Variants in RGS12 observed in about 807,000 individuals in gnomAD.
The protein encoded by RGS12 is regulator of G-protein signaling 12.
Under a neutral mutation model 120.1 loss-of-function variants are expected in RGS12, and 66 were observed. The observed-to-expected ratio is 0.55, with a 90% confidence interval of 0.45 to 0.67. The LOEUF (loss-of-function observed/expected upper bound fraction) is 0.67. Ranked by LOEUF, RGS12 falls within the 30% of genes least tolerant of loss-of-function variation. RGS12 has a pLI of 0.00. For synonymous variants in RGS12, 827 were observed against 804.7 expected (o/e 1.03, Z -0.47); for missense variants, 1,859 against 1,957.7 (o/e 0.95, Z 0.95).
Position 3,332,040 on chromosome 4 carries a change from A to G in RGS12, c.1882-10897A>G, listed in dbSNP as rs143434732. Among the ~76,000 whole-genome samples the G allele has an allele frequency of 7.6e-3, 1,153 of 152,278 alleles. 20 individuals carry two copies. The highest frequency in any genetic ancestry group is 0.027 in the African/African-American group (1,109 of 41,560). On this transcript the variant is annotated intron_variant, in intron 2 of 17. Coordinates refer to ENST00000336727, the MANE Select transcript of RGS12 (RefSeq NM_001394154.1). Reference sequence around the variant, plus strand: ...TGGGAAGCAGTGGACAGAAGCCCCCACCGTCCTGGAATAGGGCAGGGGCTC... The same window carrying G: ...TGGGAAGCAGTGGACAGAAGCCCCCGCCGTCCTGGAATAGGGCAGGGGCTC...
In RGS12 at chr4:3,439,678, C is replaced by A; in HGVS notation, c.4338C>A (p.Phe1446Leu). Reference sequence around the variant, plus strand: ...AGACCAGCGCTCACCACGCCACCTTCGTCTGAGCTGCCCTGGCCTGGCCAA... The same window carrying A: ...AGACCAGCGCTCACCACGCCACCTTAGTCTGAGCTGCCCTGGCCTGGCCAA... ...KPKTSAHHAT[F>L]V The change falls in exon 18 of 18, where the codon TTC (phenylalanine) becomes TTA (leucine). Residue 1446 changes from phenylalanine to leucine, a missense_variant. By Grantham distance (22) the Phe-to-Leu change is conservative. Coordinates refer to ENST00000336727, the MANE Select transcript of RGS12 (RefSeq NM_001394154.1). 6.6e-7 allele frequency: 1 copy of A among 1,525,202 alleles called. No homozygotes were observed. 94.5% of individuals were successfully genotyped at this position (1,525,202 alleles called of 1,614,324 possible). A position where few individuals can be genotyped will look rare whatever the true frequency, so the allele number is the denominator to read the frequency against.
chr4:3,293,813 C>T (rs66467536), intron 1 of RGS12, among the ~76,000 whole-genome samples: 16,429 of 131,716 alleles, frequency 0.12, 1,294 homozygotes, highest in African/African-American at 0.24. Context: ...GGCCCAGAGC[C>T]GTGGAGTGTA....
At chr4:3,331,029 T>C (rs191105112) in intron 2 of RGS12, among the ~76,000 whole-genome samples, 51 of 152,314 alleles carry the variant, frequency 3.3e-4, no homozygotes, top group African/African-American at 1.2e-3. Context: ...AAGATTTCTA[T>C]TCCTGTGGAA....
At chr4:3,439,317 G>C (rs1388404068) in intron 17 of RGS12, 138 bp from the exon 18 acceptor site, 1 of 861,810 alleles carries the variant, frequency 1.2e-6, no homozygotes, top group Admixed American at 2.1e-5. Flanking sequence ...CGGGACGCCA[G>C]CTGCCTCTGG....
upstream of RGS12, among the ~76,000 whole-genome samples, chr4:3,290,855 G>A (rs1210410050): frequency 6.6e-6 from 1 of 152,238 alleles, no homozygotes; most frequent in Admixed American, 6.5e-5. Context: ...GACTGAATGA[G>A]TTTTGCTTAA....
At chr4:3,379,710 GA>G (rs984159132) in intron 3 of RGS12, among the ~76,000 whole-genome samples, 3 of 152,172 alleles carry the variant, frequency 2.0e-5, no homozygotes, top group Admixed American at 1.3e-4. Flanking sequence ...GCAAAAGGGG[GA>G]AAGCCCCTTA....
chr4:3,409,690 C>T (rs73792038), intron 4 of RGS12, among the ~76,000 whole-genome samples: 7,409 of 152,278 alleles, frequency 0.049, 573 homozygotes, highest in African/African-American at 0.17. Context: ...GGGAGGCAGA[C>T]GGTTCACGTC....
At chr4:3,431,426 C>T in intron 17 of RGS12, 1 of 998,282 alleles carries the variant, frequency 1.0e-6, no homozygotes, top group Non-Finnish European at 1.2e-6. Context: ...CAGGCCCGTC[C>T]TCGGAAGAGC....
At chr4:3,402,774 T>G (rs2109041994) in intron 4 of RGS12, among the ~76,000 whole-genome samples, 1 of 152,324 alleles carries the variant, frequency 6.6e-6, no homozygotes, top group South Asian at 2.1e-4. Context: ...GTATAAATAT[T>G]TTATTCATCA....
chr4:3,380,691 T>A (rs1206657747), intron 3 of RGS12, among the ~76,000 whole-genome samples: 1 of 152,236 alleles, frequency 6.6e-6, no homozygotes, highest in East Asian at 1.9e-4. Context: ...GAGCTCTACG[T>A]TAGCCCCTTT....
chr4:3,415,336 T>A (rs1407167753), intron 6 of RGS12, among the ~76,000 whole-genome samples: 1 of 152,246 alleles, frequency 6.6e-6, no homozygotes, highest in African/African-American at 2.4e-5. Context: ...AATAAATTTT[T>A]AAATATACAT....
rs1717417685 is a variant in RGS12, at chr4:3,374,492, T to G, written c.1999-11924T>G. Among the ~76,000 whole-genome samples, 1 of 152,038 alleles carries G rather than the reference T, an allele frequency of 6.6e-6. No individual in the cohort carries two copies. Among genetic ancestry groups the G allele is most frequent in the African/African-American group, 2.4e-5 (1 of 41,390 alleles). ...CCCCGGTCTCAGTGACAGGTCCACATCTTCTCACCGTCTCTCCTCGGACAT... is the reference window on the plus strand; with the variant it reads ...CCCCGGTCTCAGTGACAGGTCCACAGCTTCTCACCGTCTCTCCTCGGACAT... On this transcript the variant is annotated intron_variant, in intron 3 of 17. Coordinates refer to ENST00000336727, the MANE Select transcript of RGS12 (RefSeq NM_001394154.1). This position sits in a 1 kb window ranked among gnomAD's most constrained non-coding sequence, Gnocchi z 6.3.
At chr4:3,325,796 G>C (rs1725520229) in intron 2 of RGS12, among the ~76,000 whole-genome samples, 1 of 152,050 alleles carries the variant, frequency 6.6e-6, no homozygotes, top group African/African-American at 2.4e-5. Flanking sequence ...CAAAATACTA[G>C]CAAACTGACT....
intron 1 of RGS12, among the ~76,000 whole-genome samples, chr4:3,294,670 A>G (rs946759359): frequency 1.3e-5 from 2 of 152,090 alleles, no homozygotes; most frequent in Non-Finnish European, 1.5e-5. Context: ...AAGTTGGTGC[A>G]CCCCTGTCTG....
intron 1 of RGS12, among the ~76,000 whole-genome samples, chr4:3,295,087 G>A (rs1434933514): frequency 6.6e-6 from 1 of 152,150 alleles, no homozygotes; most frequent in African/African-American, 2.4e-5. Context: ...CGGGGAAGAA[G>A]GGGTGGCCAG....
intron 2 of RGS12, among the ~76,000 whole-genome samples, chr4:3,334,951 T>C (rs1168108343): frequency 6.6e-6 from 1 of 152,178 alleles, no homozygotes; most frequent in African/African-American, 2.4e-5. Context: ...CCTGCTTTCT[T>C]GCCTTATGTT....
rs762461946 is a variant in RGS12, at chr4:3,417,511, A to C, written c.2731A>C (p.Lys911Gln). The C allele has an allele frequency of 1.2e-6, 2 of 1,613,202 alleles. No individual in the cohort carries two copies. Among genetic ancestry groups the C allele is most frequent in the East Asian group, 2.2e-5 (1 of 44,874 alleles). Residue 911 changes from lysine (K) to glutamine (Q), a missense_variant, in exon 9 of 18, where the codon AAA (lysine) becomes CAA (glutamine). This residue lies in a region of RGS12 where 375 missense variants were observed against 475.0 expected (regional missense o/e 0.79). Coordinates refer to ENST00000336727, the MANE Select transcript of RGS12 (RefSeq NM_001394154.1). ...SRTRSTGRSQKKREHGDHADD... is the reference protein window; with the variant it reads ...SRTRSTGRSQQKREHGDHADD... ...GACCAGGAGCACCGGGAGGTCCCAG[A>C]AAAAGAGGGAGCACGGGGACCACGC...
At chr4:3,415,088 AGG>A (rs1722227854) in intron 6 of RGS12, among the ~76,000 whole-genome samples, 2 of 67,568 alleles carry the variant, frequency 3.0e-5, no homozygotes, top group Non-Finnish European at 5.9e-5. Flanking sequence ...CGCGTGTGTG[AGG>A]GGCGTGTGAG....
chr4:3,343,786 A>G (rs1186827775), intron 3 of RGS12, among the ~76,000 whole-genome samples: 1 of 152,076 alleles, frequency 6.6e-6, no homozygotes, highest in East Asian at 1.9e-4. Flanking sequence ...TCTGACAACC[A>G]CTGATCCTTT....
Sources: allele counts gnomAD v4.1 joint callset (sites outside exome capture counted in the v4.1 genomes callset), GRCh38; gene constraint gnomAD v4.1.1; regional missense constraint gnomAD v4.1.1; non-coding constraint Gnocchi (gnomAD v3.1); transcripts MANE v1.5; gene names NCBI Gene and HGNC (gene_info 2026-07-23, HGNC 2026-07-21).